TAFA1: variants seen among roughly 807,000 people sequenced by gnomAD.
TAFA1 encodes the protein chemokine-like protein TAFA-1.
TAFA1 carries 4 observed loss-of-function variants against 18.5 expected under a neutral mutation model. The ratio of observed to expected loss-of-function variants is 0.22; its 90% CI spans 0.11 to 0.49. The LOEUF (loss-of-function observed/expected upper bound fraction) is 0.49, where lower values mean the gene tolerates loss of function less well. Ranked by LOEUF, TAFA1 falls within the 20% of genes least tolerant of loss-of-function variation. TAFA1 has a pLI of 0.98. For missense variants in TAFA1, 147 were observed against 169.0 expected (o/e 0.87, Z 0.72); for synonymous variants, 56 against 55.2 (o/e 1.01, Z -0.06).
chr3:68,539,665 C>CTA (rs1553701707), intron 4 of TAFA1, among the ~76,000 whole-genome samples: 1 of 26,116 alleles, frequency 3.8e-5, no homozygotes, highest in Admixed American at 4.1e-4. Flanking sequence ...TTGTCTCTCT[C>CTA]TGTGTGTGTG....
At chr3:68,263,446 T>TACACACACAC (rs3033685) in intron 2 of TAFA1, among the ~76,000 whole-genome samples, 18,904 of 137,562 alleles carry the variant, frequency 0.14, 1,588 homozygotes, top group Admixed American at 0.28. Flanking sequence ...CACACACACA[T>TACACACACAC]ACACACACAC....
rs5849854 is a variant in TAFA1, at chr3:68,517,927, A to AACAC, written c.260-20812_260-20809dup. On this transcript the variant is annotated intron_variant, in intron 3 of 4. Coordinates refer to ENST00000478136, the MANE Select transcript of TAFA1 (RefSeq NM_213609.4). Reference sequence around the variant, plus strand: ...CCTTATCTGCTCCCACTTGCTGATAAACACACACACACACACACACTCACA... The same window carrying AACAC: ...CCTTATCTGCTCCCACTTGCTGATAAACACACACACACACACACACACACTCACA... 2.3e-3 allele frequency among the ~76,000 whole-genome samples: 348 copies of AACAC among 150,606 alleles called. 1 individual carries two copies. Among genetic ancestry groups the AACAC allele is most frequent in the East Asian group, 4.9e-3 (25 of 5,086 alleles).
At chr3:68,058,889 A>G (rs2064567168) in intron 2 of TAFA1, among the ~76,000 whole-genome samples, 1 of 152,180 alleles carries the variant, frequency 6.6e-6, no homozygotes, top group Admixed American at 6.5e-5. Context: ...CTCTGGTGGC[A>G]AGGCAAAAAA....
chr3:68,433,210 C>T (rs549875078), intron 3 of TAFA1, among the ~76,000 whole-genome samples: 1 of 152,038 alleles, frequency 6.6e-6, no homozygotes, highest in East Asian at 1.9e-4. Flanking sequence ...TGGGAAACAT[C>T]TTTGCCTTTC....
At chr3:68,113,393 C>T (rs1483908745) in intron 2 of TAFA1, among the ~76,000 whole-genome samples, 1 of 152,118 alleles carries the variant, frequency 6.6e-6, no homozygotes, top group Non-Finnish European at 1.5e-5. Context: ...ACCTGACTCA[C>T]ACCATTTACA....
At chr3:68,265,477 G>A (rs2067524122) in intron 2 of TAFA1, among the ~76,000 whole-genome samples, 1 of 152,138 alleles carries the variant, frequency 6.6e-6, no homozygotes, top group African/African-American at 2.4e-5. Context: ...CTTTTGTCAA[G>A]GTTTATCCAC....
Position 68,104,238 on chromosome 3 carries a change from A to G in TAFA1, c.118+97494A>G, listed in dbSNP as rs115691250. Among the ~76,000 whole-genome samples the G allele has an allele frequency of 6.6e-3, 1,000 of 152,284 alleles. 8 individuals carry two copies. The highest frequency in any genetic ancestry group is 0.023 in the African/African-American group (950 of 41,570). On this transcript the variant is annotated intron_variant, in intron 2 of 4. Transcript: ENST00000478136. Reference sequence around the variant, plus strand: ...GTCTATTGTGTTTATTTAGCTAACTACTAGGGTGATGAACTTAGATAAAAT... The same window carrying G: ...GTCTATTGTGTTTATTTAGCTAACTGCTAGGGTGATGAACTTAGATAAAAT...
chr3:68,537,941 A>AGGC (rs1559710780), intron 3 of TAFA1, among the ~76,000 whole-genome samples: 1 of 152,172 alleles, frequency 6.6e-6, no homozygotes, highest in African/African-American at 2.4e-5. Context: ...TGGAGTTATC[A>AGGC]CTCAAATTAG....
chr3:68,305,747 T>C (rs1236235405), intron 2 of TAFA1, among the ~76,000 whole-genome samples: 2 of 151,894 alleles, frequency 1.3e-5, no homozygotes, highest in African/African-American at 4.8e-5. Context: ...ATAGGAATAT[T>C]GAGAGGCATC....
chr3:68,124,211 C>T (rs556526399), intron 2 of TAFA1, among the ~76,000 whole-genome samples: 1 of 152,264 alleles, frequency 6.6e-6, no homozygotes, highest in East Asian at 1.9e-4. Flanking sequence ...TCGATGGTAA[C>T]AGGGATTTTA....
chr3:68,403,908 C>T (rs1246073717), intron 2 of TAFA1, among the ~76,000 whole-genome samples: 1 of 152,156 alleles, frequency 6.6e-6, no homozygotes, highest in Non-Finnish European at 1.5e-5. Flanking sequence ...ATGCCTCCTC[C>T]TCCCACAAGG....
chr3:68,414,944 G>A (rs1271952075), intron 2 of TAFA1, among the ~76,000 whole-genome samples: 2 of 152,164 alleles, frequency 1.3e-5, no homozygotes, highest in Admixed American at 1.3e-4. Context: ...TTTTTGTGAA[G>A]TGTCGAACTA....
chr3:68,329,920 A>T (rs1056917825), intron 2 of TAFA1, among the ~76,000 whole-genome samples: 1 of 152,152 alleles, frequency 6.6e-6, no homozygotes, highest in Non-Finnish European at 1.5e-5. Flanking sequence ...TTGGTTTTTT[A>T]AGTTAAAAAT....
chr3:68,073,981 A>G (rs1240114286), intron 2 of TAFA1, among the ~76,000 whole-genome samples: 3 of 152,170 alleles, frequency 2.0e-5, no homozygotes, highest in Admixed American at 6.5e-5. Context: ...TTATTATTAC[A>G]TTATAATGTA....
intron 2 of TAFA1, among the ~76,000 whole-genome samples, chr3:68,076,148 GC>G (rs1488238434): frequency 6.6e-6 from 1 of 152,154 alleles, no homozygotes; most frequent in Non-Finnish European, 1.5e-5. Context: ...GAATGGAAAG[GC>G]AAAGACCTGA....
intron 2 of TAFA1, among the ~76,000 whole-genome samples, chr3:68,042,313 A>G (rs535872713): frequency 4.6e-5 from 7 of 152,340 alleles, no homozygotes; most frequent in African/African-American, 1.7e-4. Flanking sequence ...TGTGCATTAT[A>G]TCTAGCAGAT....
chr3:68,120,219 T>C (rs1352847540), intron 2 of TAFA1, among the ~76,000 whole-genome samples: 1 of 132,712 alleles, frequency 7.5e-6, no homozygotes, highest in African/African-American at 3.0e-5. Flanking sequence ...CTTTCTTTCT[T>C]TCTTTCTTTC....
At chr3:68,049,723 T>C (rs1251185100) in intron 2 of TAFA1, among the ~76,000 whole-genome samples, 2 of 152,016 alleles carry the variant, frequency 1.3e-5, no homozygotes, top group Non-Finnish European at 1.5e-5. Flanking sequence ...CTCTCACTTG[T>C]CTGGCAACAC....
At position 68,255,510 on chromosome 3, in the gene TAFA1, T is replaced by A. The variant is rs145994318; in HGVS notation, c.119-161770T>A. Among the ~76,000 whole-genome samples the A allele has an allele frequency of 1.9e-4, 29 of 152,126 alleles. No homozygotes were observed. The East Asian group carries it at 5.6e-3, about 29-fold the overall frequency. The stretch of plus-strand genomic sequence containing the variant: ...CCACTATTTTTCCTTCGATGTGACA[T>A]TTATTGTGAAGGGACCTATATATCC... On this transcript the variant is annotated intron_variant, in intron 2 of 4. Coordinates refer to ENST00000478136, the MANE Select transcript of TAFA1 (RefSeq NM_213609.4).
Sources: allele counts gnomAD v4.1 joint callset (sites outside exome capture counted in the v4.1 genomes callset), GRCh38; gene constraint gnomAD v4.1.1; transcripts MANE v1.5; gene names NCBI Gene and HGNC (gene_info 2026-07-23, HGNC 2026-07-21).